The following RAB37 variants were observed in gnomAD, a reference collection of about 807,000 sequenced individuals.
RAB37 encodes ras-related protein Rab-37.
A neutral mutation model predicts 33.1 loss-of-function variants in RAB37; 29 were observed. That is an observed-to-expected ratio of 0.88 (90% CI 0.65 to 1.20). The LOEUF is 1.20. Ranked by LOEUF, RAB37 falls within the 50% of genes most tolerant of loss-of-function variation. The pLI is 0.00. For missense variants in RAB37, 299 were observed against 301.1 expected (o/e 0.99, Z 0.05); for synonymous variants, 128 against 119.5 (o/e 1.07, Z -0.47).
intron 1 of RAB37, among the ~76,000 whole-genome samples, chr17:74,726,291 G>A (rs1055579585): frequency 3.6e-4 from 53 of 147,928 alleles, no homozygotes; most frequent in Middle Eastern, 3.5e-3. Flanking sequence ...GCCCCACCCC[G>A]AGCCAAGGTT....
At chr17:74,673,126 C>T (rs1360337220) in intron 1 of RAB37, 1 of 152,166 alleles carries the variant, frequency 6.6e-6, no homozygotes. Context: ...CATGCAAGGC[C>T]AGGCATGGTG....
chr17:74,744,360 T>G lies in RAB37; in HGVS notation c.419T>G (p.Leu140Arg), dbSNP rs758877227. The change falls in exon 6 of 9, where the codon CTG (leucine) becomes CGG (arginine). Residue 140 changes from leucine (L) to arginine (R), a missense_variant. Transcript: ENST00000392613. The surrounding 1 kb of genome is among the most constrained non-coding windows in gnomAD (Gnocchi z 4.2). ...GCCCAGAGGGACGTGGTGATCATGC[T>G]GCTAGGCAACAAGGTGAGTGGCTCC... ...EYAQRDVVIMLLGNKADMSSE... is the reference protein window; with the variant it reads ...EYAQRDVVIMRLGNKADMSSE... 6.8e-6 allele frequency: 11 copies of G among 1,614,160 alleles called. 1 individual carries two copies. The South Asian group carries it at 1.2e-4, about 18-fold the overall frequency.
intron 1 of RAB37, among the ~76,000 whole-genome samples, chr17:74,674,076 T>C (rs913496217): frequency 6.6e-6 from 1 of 152,160 alleles, no homozygotes; most frequent in Non-Finnish European, 1.5e-5. Flanking sequence ...CATTAATTGC[T>C]AGGATAAATT....
intron 5 of RAB37, 30 bp downstream of exon 5, chr17:74,743,370 C>T (rs774509125): frequency 6.2e-7 from 1 of 1,610,942 alleles, no homozygotes; most frequent in African/African-American, 1.3e-5. Flanking sequence ...GACTCCCACC[C>T]ATAAGCAGCC....
upstream of RAB37, chr17:74,737,136 G>C: frequency 6.3e-7 from 1 of 1,591,030 alleles, no homozygotes; most frequent in Non-Finnish European, 8.5e-7. Context: ...CGGTGTCGTC[G>C]AGGGGGCGAC....
Position 74,738,196 on chromosome 17 carries a change from G to C in RAB37, c.93+831G>C, listed in dbSNP as rs1006314580. On this transcript the variant is annotated intron_variant, in intron 1 of 8. Coordinates refer to ENST00000392613, the MANE Select transcript of RAB37 (RefSeq NM_001006638.3). The surrounding 1 kb of genome is among the most constrained non-coding windows in gnomAD (Gnocchi z 5.0). The stretch of plus-strand genomic sequence containing the variant: ...CTTCCTCTGCAGGGTTGGGGATGGA[G>C]TGAGGGCTGTCCTGGATTCCGCTGC... Among the ~76,000 whole-genome samples, 3 of 152,166 alleles carry C rather than the reference G, an allele frequency of 2.0e-5. No individual in the cohort carries two copies. Among genetic ancestry groups the C allele is most frequent in the African/African-American group, 4.8e-5 (2 of 41,434 alleles).
chr17:74,744,754 C>A lies in RAB37; in HGVS notation c.433-119C>A, dbSNP rs1025563998. 1 of 1,213,986 alleles carries A rather than the reference C, an allele frequency of 8.2e-7. No individual in the cohort carries two copies. Among genetic ancestry groups the A allele is most frequent in the South Asian group, 1.2e-5 (1 of 81,690 alleles). The allele number at this position is 1,213,986 out of a possible 1,614,324, so 75.2% of individuals were successfully genotyped here. On this transcript the variant is annotated intron_variant, in intron 6 of 8. Transcript: ENST00000392613. This position sits in a 1 kb window ranked among gnomAD's most constrained non-coding sequence, Gnocchi z 4.2. Reference sequence around the variant, plus strand: ...AAACCCTGGCCCCAGGCCAATCACACCTGCCTGCAGTCCCTTGGGCCACCA... The same window carrying A: ...AAACCCTGGCCCCAGGCCAATCACAACTGCCTGCAGTCCCTTGGGCCACCA...
At chr17:74,696,324 C>T in intron 1 of RAB37, 1 of 1,240,020 alleles carries the variant, frequency 8.1e-7, no homozygotes, top group South Asian at 1.5e-5. Context: ...GAATTGGGTC[C>T]AGGCTCAGAG....
intron 1 of RAB37, among the ~76,000 whole-genome samples, chr17:74,708,478 G>A (rs1464932178): frequency 6.6e-6 from 1 of 152,190 alleles, no homozygotes; most frequent in Non-Finnish European, 1.5e-5. Context: ...AGAAAGTATT[G>A]TAGGCAAATA....
At chr17:74,740,007 T>G (rs1010019875) in intron 1 of RAB37, among the ~76,000 whole-genome samples, 1 of 151,546 alleles carries the variant, frequency 6.6e-6, no homozygotes, top group Non-Finnish European at 1.5e-5. Flanking sequence ...AAATAAAAAA[T>G]TAGCCAGGCG....
intron 1 of RAB37, among the ~76,000 whole-genome samples, chr17:74,684,408 A>G (rs1202540101): frequency 6.6e-6 from 1 of 152,024 alleles, no homozygotes; most frequent in Non-Finnish European, 1.5e-5. Context: ...AGCCATTATT[A>G]TTAATATATT....
rs1811385863 is a variant in RAB37, at chr17:74,676,429, C to T, written c.72+4771C>T. Reference sequence around the variant, plus strand: ...AAGGGATTACCAGGTCTCTGTCTTCCAAAGTATGTCCATTTCCTCCGACTG... The same window carrying T: ...AAGGGATTACCAGGTCTCTGTCTTCTAAAGTATGTCCATTTCCTCCGACTG... On this transcript the variant is annotated intron_variant, in intron 1 of 7. Coordinates refer to the RAB37 transcript ENST00000340415. This position sits in a 1 kb window ranked among gnomAD's most constrained non-coding sequence, Gnocchi z 4.1. 6.6e-6 allele frequency among the ~76,000 whole-genome samples: 1 copy of T among 152,122 alleles called. No individual in the cohort carries two copies. Among genetic ancestry groups the T allele is most frequent in the Non-Finnish European group, 1.5e-5 (1 of 68,028 alleles).
chr17:74,678,158 C>T (rs2031880748), intron 1 of RAB37, among the ~76,000 whole-genome samples: 1 of 152,144 alleles, frequency 6.6e-6, no homozygotes, highest in African/African-American at 2.4e-5. Flanking sequence ...GTAGAGACTG[C>T]GAGTGCGAAT....
At chr17:74,718,784 A>C (rs2034201923) in intron 1 of RAB37, among the ~76,000 whole-genome samples, 1 of 152,208 alleles carries the variant, frequency 6.6e-6, no homozygotes, top group Admixed American at 6.5e-5. Context: ...GCCACACAGA[A>C]ATAACTGCTG....
chr17:74,731,523 C>T (rs1327538759), intron 2 of RAB37, among the ~76,000 whole-genome samples: 1 of 152,170 alleles, frequency 6.6e-6, no homozygotes, highest in Non-Finnish European at 1.5e-5. Context: ...TCCCTAAATT[C>T]TCCACTACCA....
At chr17:74,732,940 C>T (rs1598315544), upstream of RAB37, among the ~76,000 whole-genome samples, 5 of 150,954 alleles carry the variant, frequency 3.3e-5, no homozygotes, top group South Asian at 1.0e-3. Context: ...ACAGTGTGAT[C>T]TGTGATCAGG....
chr17:74,683,276 A>T (rs569049978), intron 1 of RAB37, among the ~76,000 whole-genome samples: 1 of 152,338 alleles, frequency 6.6e-6, no homozygotes, highest in East Asian at 1.9e-4. Flanking sequence ...AGATGATCCA[A>T]CTGTGGACCA....
At chr17:74,683,744 C>T (rs1378386439) in intron 1 of RAB37, among the ~76,000 whole-genome samples, 1 of 152,222 alleles carries the variant, frequency 6.6e-6, no homozygotes, top group East Asian at 1.9e-4. Context: ...GATGGCCTCA[C>T]ACCACGCCTG....
Sources: gnomAD v4.1 joint callset for allele counts (sites outside exome capture counted in the v4.1 genomes callset) on GRCh38, gnomAD v4.1.1 for gene constraint, Gnocchi (gnomAD v3.1) non-coding constraint, MANE v1.5 for transcripts, NCBI Gene and HGNC (gene_info 2026-07-23, HGNC 2026-07-21) for gene names.